Variants in ADGRV1 observed in about 807,000 individuals in gnomAD.
ADGRV1 encodes the protein G-protein coupled receptor 98.
Under a neutral mutation model 596.2 loss-of-function variants are expected in ADGRV1, and 359 were observed. The ratio of observed to expected loss-of-function variants is 0.60; its 90% CI spans 0.55 to 0.66. ADGRV1 has a LOEUF of 0.66. ADGRV1 is among the 30% of genes least tolerant of loss of function. The pLI is 0.00. For synonymous variants in ADGRV1, 2,681 were observed against 2,679.2 expected (o/e 1.00, Z -0.02); for missense variants, 7,274 against 7,575.6 (o/e 0.96, Z 1.48).
In ADGRV1 at chr5:90,653,577, G is replaced by T; in HGVS notation, c.4003G>T (p.Gly1335Cys). The change falls in exon 20 of 90, where the codon GGT (glycine) becomes TGT (cysteine). Residue 1335 changes from glycine to cysteine, a missense_variant. This residue lies in a region of ADGRV1 where 1,715 missense variants were observed against 1,708.8 expected (regional missense o/e 1.00). Transcript: ENST00000405460. ...TDALYFTGLE[G>C]AFGTVNPKYH... is the part of the protein sequence containing the mutation. ...TGCTTTGTACTTTACCGGACTAGAGGGTGCATTTGGGACTGTTAATCCAAA... is the reference window on the plus strand; with the variant it reads ...TGCTTTGTACTTTACCGGACTAGAGTGTGCATTTGGGACTGTTAATCCAAA... 6.2e-7 allele frequency: 1 copy of T among 1,613,770 alleles called. No individual in the cohort carries two copies. Among genetic ancestry groups the T allele is most frequent in the Non-Finnish European group, 8.5e-7 (1 of 1,179,838 alleles).
intron 2 of ADGRV1, among the ~76,000 whole-genome samples, chr5:90,616,454 A>T (rs1241450648): frequency 6.6e-6 from 1 of 152,170 alleles, no homozygotes; most frequent in Non-Finnish European, 1.5e-5. Context: ...GTGGGAGAAT[A>T]TAAGTACAAC....
At chr5:90,715,767 G>A (rs1365429636) in intron 42 of ADGRV1, among the ~76,000 whole-genome samples, 2 of 151,880 alleles carry the variant, frequency 1.3e-5, no homozygotes, top group Non-Finnish European at 2.9e-5. Context: ...TTCCCAGCTT[G>A]TAAACTTCTT....
chr5:91,014,968 G>A (rs988725681), intron 85 of ADGRV1, among the ~76,000 whole-genome samples: 2 of 152,050 alleles, frequency 1.3e-5, no homozygotes, highest in African/African-American at 4.8e-5. Context: ...GAGTCGTGAT[G>A]TTTGACTATT....
intron 83 of ADGRV1, among the ~76,000 whole-genome samples, chr5:90,869,705 T>C (rs936409079): frequency 2.0e-5 from 3 of 152,176 alleles, no homozygotes; most frequent in Non-Finnish European, 4.4e-5. Flanking sequence ...AAAAGCCACA[T>C]TGCAAATTTT....
rs764835553 is a variant in ADGRV1, at chr5:90,703,739, G to T, written c.8230G>T (p.Gly2744Trp). Residue 2744 changes from glycine to tryptophan, a missense_variant, in exon 35 of 90, where the codon GGG becomes TGG. Transcript: ENST00000405460. ...GNVTVNWKII[G>W]QNLELNFANF... The stretch of plus-strand genomic sequence containing the variant: ...TGTTACTGTTAACTGGAAAATTATT[G>T]GGCAAAATCTAGAACTCAATTTTGC... 2 of 1,604,942 alleles carry T rather than the reference G, an allele frequency of 1.2e-6. No individual in the cohort carries two copies. The highest frequency in any genetic ancestry group is 2.7e-5 in the African/African-American group (2 of 74,616).
At chr5:90,870,361 G>A (rs1768543619) in intron 83 of ADGRV1, among the ~76,000 whole-genome samples, 1 of 152,152 alleles carries the variant, frequency 6.6e-6, no homozygotes, top group East Asian at 1.9e-4. Flanking sequence ...ACTTACATAG[G>A]TAGAACATTG....
intron 87 of ADGRV1, among the ~76,000 whole-genome samples, chr5:91,127,225 T>A (rs558397251): frequency 2.6e-4 from 39 of 152,188 alleles, no homozygotes; most frequent in Admixed American, 3.9e-4. Context: ...CACAAGACAT[T>A]TGAGACTTCA....
chr5:90,974,086 A>T (rs1158619787), intron 84 of ADGRV1, among the ~76,000 whole-genome samples: 1 of 152,058 alleles, frequency 6.6e-6, no homozygotes, highest in African/African-American at 2.4e-5. Context: ...TCATGAGTGA[A>T]CTCCCATTCA....
At chr5:90,764,892 C>G (rs1356917061) in intron 59 of ADGRV1, among the ~76,000 whole-genome samples, 1 of 152,154 alleles carries the variant, frequency 6.6e-6, no homozygotes, top group Admixed American at 6.5e-5. Context: ...ACCTGGTTCT[C>G]TGTCCCTGGG....
At chr5:91,084,113 G>A (rs778573861) in intron 86 of ADGRV1, among the ~76,000 whole-genome samples, 1 of 151,820 alleles carries the variant, frequency 6.6e-6, no homozygotes, top group Non-Finnish European at 1.5e-5. Context: ...CCCTTCTGCC[G>A]GTTTCTTACT....
In ADGRV1 at chr5:90,729,739, C is replaced by A. The variant is rs1365240794; in HGVS notation, c.10524C>A (p.His3508Gln). Residue 3508 changes from histidine to glutamine, a missense_variant, in exon 50 of 90, where the codon CAC (histidine) becomes CAA (glutamine). His to Gln is a conservative substitution (Grantham distance 24). Around this residue, in one of 5 missense-constraint regions of ADGRV1, gnomAD observed 3,643 missense variants for 3,809.2 expected, o/e 0.96. Transcript: ENST00000405460. ...ATTTTGCTGCTGTTAACAGAATCCA[C>A]TCCTTCACACCAGCCTCAGGAATAG... is the stretch of plus-strand genomic sequence containing the variant. Reference protein sequence around the residue: ...SVDFAAVNRIHSFTPASGIAH... With the variant: ...SVDFAAVNRIQSFTPASGIAH... 6.2e-7 allele frequency: 1 copy of A among 1,613,126 alleles called. No homozygotes were observed. Among genetic ancestry groups the A allele is most frequent in the Non-Finnish European group, 8.5e-7 (1 of 1,179,372 alleles).
Position 90,965,470 on chromosome 5 carries a change from C to T in ADGRV1, c.17912C>T (p.Ser5971Leu), listed in dbSNP as rs760746377. 6 of 1,613,872 alleles carry T rather than the reference C, an allele frequency of 3.7e-6. No homozygotes were observed. The highest frequency in any genetic ancestry group is 5.1e-6 in the Non-Finnish European group (6 of 1,179,764). ...ASPQLAEESC[S>L]AMAAVTHYLY... ...CCCCAACTCGCTGAGGAGAGCTGTT[C>T]AGCTATGGCTGCTGTCACACATTAC... is the stretch of plus-strand genomic sequence containing the variant. Residue 5971 changes from serine (S) to leucine (L), a missense_variant, in exon 84 of 90, where the codon TCA becomes TTA. This residue lies in a region of ADGRV1 where 1,874 missense variants were observed against 1,970.2 expected (regional missense o/e 0.95). Coordinates refer to ENST00000405460, the MANE Select transcript of ADGRV1 (RefSeq NM_032119.4).
intron 85 of ADGRV1, among the ~76,000 whole-genome samples, chr5:91,067,831 A>C (rs143897669): frequency 8.8e-4 from 134 of 152,358 alleles, no homozygotes; most frequent in African/African-American, 3.0e-3. Context: ...ACATGAAAAA[A>C]ATAAGTGACC....
At chr5:90,581,391 T>C (rs1758036395) in intron 1 of ADGRV1, among the ~76,000 whole-genome samples, 1 of 152,216 alleles carries the variant, frequency 6.6e-6, no homozygotes, top group Non-Finnish European at 1.5e-5. Context: ...ATCTTTGTGG[T>C]TTTATCCACC....
chr5:91,100,428 T>C (rs1791276182), intron 86 of ADGRV1, among the ~76,000 whole-genome samples: 1 of 148,270 alleles, frequency 6.7e-6, no homozygotes. Context: ...TGTATGACCC[T>C]ATGTGAAAGA....
At chr5:90,894,468 G>A (rs561803656) in intron 83 of ADGRV1, among the ~76,000 whole-genome samples, 3 of 152,276 alleles carry the variant, frequency 2.0e-5, no homozygotes, top group South Asian at 4.2e-4. Context: ...TGAGTTGTGG[G>A]GATGGCCGGC....
chr5:90,945,240 AT>A (rs370382857), intron 83 of ADGRV1, among the ~76,000 whole-genome samples: 3,449 of 146,598 alleles, frequency 0.024, 97 homozygotes, highest in East Asian at 0.099. Context: ...CCAAAAACAG[AT>A]TTTTTTTTTT....
At chr5:90,787,492 A>G (rs2150119890) in intron 67 of ADGRV1, among the ~76,000 whole-genome samples, 1 of 151,660 alleles carries the variant, frequency 6.6e-6, no homozygotes, top group South Asian at 2.1e-4. Flanking sequence ...TTTAATATAG[A>G]TTTTTATATG....
intron 1 of ADGRV1, among the ~76,000 whole-genome samples, chr5:90,604,182 A>C (rs866562326): frequency 6.6e-6 from 1 of 152,034 alleles, no homozygotes; most frequent in Admixed American, 6.6e-5. Flanking sequence ...GAAATCTACA[A>C]ATTTTAAATC....
Sources: allele counts gnomAD v4.1 joint callset (sites outside exome capture counted in the v4.1 genomes callset), GRCh38; gene constraint gnomAD v4.1.1; regional missense constraint gnomAD v4.1.1; transcripts MANE v1.5; gene names NCBI Gene and HGNC (gene_info 2026-07-23, HGNC 2026-07-21).